Variants in SAXO2 observed in about 807,000 individuals in gnomAD.
SAXO2 encodes the protein stabilizer of axonemal microtubules 2, also known as family with sequence similarity 154, member B.
Under a neutral mutation model 18.7 loss-of-function variants are expected in SAXO2, and 17 were observed. The ratio of observed to expected loss-of-function variants is 0.91; its 90% confidence interval spans 0.62 to 1.36. The LOEUF (loss-of-function observed/expected upper bound fraction) is 1.36, where lower values mean the gene tolerates loss of function less well. SAXO2 is among the 40% of genes most tolerant of loss of function. The probability of loss-of-function intolerance (pLI) is 0.00; values close to 1 mark genes in which losing one functional copy is unlikely to be tolerated. For synonymous variants in SAXO2, 163 were observed against 181.2 expected (o/e 0.90, Z 0.81); for missense variants, 486 against 562.6 (o/e 0.86, Z 1.38).
chr15:82,277,106 CATA>C (rs2075321796), intron 3 of SAXO2, among the ~76,000 whole-genome samples: 1 of 151,996 alleles, frequency 6.6e-6, no homozygotes. Context: ...AGAAAAATCT[CATA>C]ATAAGTCAAA....
intron 3 of SAXO2, among the ~76,000 whole-genome samples, chr15:82,280,473 A>T (rs2075353265): frequency 6.6e-6 from 1 of 152,048 alleles, no homozygotes; most frequent in Non-Finnish European, 1.5e-5. Flanking sequence ...CAAAGAAGAG[A>T]GATTCCCTCA....
At position 82,282,462 on chromosome 15, in the gene SAXO2, C is replaced by T; in HGVS notation, c.777C>T (p.Cys259=). Residue 259 remains cysteine (C), a synonymous_variant, in exon 4 of 4, where the codon TGC becomes TGT. Transcript: ENST00000682753. ...TCATTGGTGAAACTGCAAAACTCTG[C>T]AGACCTGTACACACCAGAGTGACCC... ...QGLIGETAKL[C]RPVHTRVTQN... 1 of 1,614,090 alleles carries T rather than the reference C, an allele frequency of 6.2e-7. No individual in the cohort carries two copies. The highest frequency in any genetic ancestry group is 8.5e-7 in the Non-Finnish European group (1 of 1,179,952).
chr15:82,283,053 G>C lies in SAXO2; in HGVS notation c.1368G>C (p.Lys456Asn). ...TCCGCAAGATTATTCCTGCAGTGAAGGCCTTCTAATAACCAAAATGTGCTT... is the reference window on the plus strand; with the variant it reads ...TCCGCAAGATTATTCCTGCAGTGAACGCCTTCTAATAACCAAAATGTGCTT... The part of the protein sequence containing the change: ...KFFRKIIPAV[K>N]AF Residue 456 changes from lysine (K) to asparagine (N), a missense_variant, in exon 4 of 4, where the codon AAG becomes AAC. Lys to Asn is a moderately conservative substitution (Grantham distance 94). Coordinates refer to ENST00000682753, the MANE Select transcript of SAXO2 (RefSeq NM_001348699.2). 2 of 1,604,638 alleles carry C rather than the reference G, an allele frequency of 1.2e-6. No homozygotes were observed. The highest frequency in any genetic ancestry group is 1.7e-6 in the Non-Finnish European group (2 of 1,176,096).
chr15:82,270,815 A>G (rs985554643), intron 2 of SAXO2, among the ~76,000 whole-genome samples: 1 of 152,224 alleles, frequency 6.6e-6, no homozygotes, highest in Non-Finnish European at 1.5e-5. Flanking sequence ...TTTTATATAT[A>G]AAGAAACTGG....
intron 2 of SAXO2, among the ~76,000 whole-genome samples, chr15:82,268,725 T>C (rs776896279): frequency 6.6e-6 from 1 of 152,240 alleles, no homozygotes; most frequent in Non-Finnish European, 1.5e-5. Context: ...GTAGCTCACT[T>C]AGATGACTGC....
chr15:82,278,165 G>C (rs2075331859), intron 3 of SAXO2, among the ~76,000 whole-genome samples: 1 of 152,176 alleles, frequency 6.6e-6, no homozygotes, highest in Non-Finnish European at 1.5e-5. Context: ...GGAAAAACAA[G>C]AAGAAGAAGC....
chr15:82,283,049 T>A lies in SAXO2; in HGVS notation c.1364T>A (p.Val455Glu). 6.2e-7 allele frequency: 1 copy of A among 1,607,912 alleles called. No homozygotes were observed. The highest frequency in any genetic ancestry group is 8.5e-7 in the Non-Finnish European group (1 of 1,177,412). The change falls in exon 4 of 4, where the codon GTG (valine) becomes GAG (glutamate). Residue 455 changes from valine (V) to glutamate (E), a missense_variant. Transcript: ENST00000682753. Reference protein sequence around the residue: ...HKFFRKIIPAVKAF With the variant: ...HKFFRKIIPAEKAF ...TTCTTCCGCAAGATTATTCCTGCAGTGAAGGCCTTCTAATAACCAAAATGT... is the reference window on the plus strand; with the variant it reads ...TTCTTCCGCAAGATTATTCCTGCAGAGAAGGCCTTCTAATAACCAAAATGT...
At chr15:82,263,104 C>T (rs1168529264) in intron 1 of SAXO2, 172 bp downstream of exon 1, 11 of 1,489,602 alleles carry the variant, frequency 7.4e-6, no homozygotes, top group African/African-American at 1.4e-5. Flanking sequence ...GCTCCTCACC[C>T]GCCTGCTACC....
intron 3 of SAXO2, among the ~76,000 whole-genome samples, chr15:82,280,546 A>G (rs1220902969): frequency 6.6e-6 from 1 of 152,186 alleles, no homozygotes; most frequent in African/African-American, 2.4e-5. Context: ...ATGGAAAGCT[A>G]TCAGGTGCCC....
rs145652386 is a variant in SAXO2, at chr15:82,282,121, G to A, written c.436G>A (p.Asp146Asn). Residue 146 changes from aspartate to asparagine, a missense_variant and splice_region_variant, in exon 4 of 4, where the codon GAT becomes AAT. Transcript: ENST00000682753. ...TTTGCTTTGTTTTAATTTTCAAGAC[G>A]ATTATAGAGCTTGGGACCTTCATAA... ...KLDTVPTYKD[D>N]YRAWDLHKSE... The A allele has an allele frequency of 1.0e-5, 16 of 1,585,108 alleles. No homozygotes were observed. Among genetic ancestry groups the A allele is most frequent in the African/African-American group, 5.5e-5 (4 of 73,010 alleles).
At chr15:82,265,540 G>T in intron 1 of SAXO2, 29 bp from the exon 2 acceptor site, 2 of 1,298,216 alleles carry the variant, frequency 1.5e-6, no homozygotes, top group Non-Finnish European at 2.0e-6. Context: ...TTTTTTTAAG[G>T]TTAATCTTTC....
At chr15:82,273,865 G>A (rs1293290452) in intron 3 of SAXO2, among the ~76,000 whole-genome samples, 1 of 151,914 alleles carries the variant, frequency 6.6e-6, no homozygotes, top group Non-Finnish European at 1.5e-5. Context: ...AGCCTCCTGA[G>A]TAGCTAGGAT....
chr15:82,263,424 C>G, intron 1 of SAXO2: 1 of 708,454 alleles, frequency 1.4e-6, no homozygotes, highest in Non-Finnish European at 2.6e-6. Flanking sequence ...TGGGATCCGC[C>G]TGACTGAAAA....
rs1291540627 is a variant in SAXO2 at position 82,284,109 on chromosome 15, A to G, written c.*1047A>G. 1.3e-5 allele frequency: 2 copies of G among 152,232 alleles called. No individual in the cohort carries two copies. Among genetic ancestry groups the G allele is most frequent in the Non-Finnish European group, 2.9e-5 (2 of 68,044 alleles). 9.4% of individuals were successfully genotyped at this position (152,232 alleles called of 1,614,324 possible). ...TGTTTTGAGCATCAGACTGTATGGT[A>G]CATTTTAATCCTTAAAGTACAAATG... On this transcript the variant is annotated 3_prime_UTR_variant, in exon 4 of 4. Transcript: ENST00000682753.
At chr15:82,275,188 C>A (rs2075303495) in intron 3 of SAXO2, among the ~76,000 whole-genome samples, 1 of 140,414 alleles carries the variant, frequency 7.1e-6, no homozygotes, top group Admixed American at 7.5e-5. Flanking sequence ...TTCGGAAACA[C>A]AAATTCCCAA....
intron 2 of SAXO2, among the ~76,000 whole-genome samples, chr15:82,271,258 G>T (rs779389931): frequency 6.6e-6 from 1 of 152,130 alleles, no homozygotes; most frequent in South Asian, 2.1e-4. Context: ...AACTTTTCAG[G>T]TTTAGTAAAT....
chr15:82,265,335 G>C (rs944636229), intron 1 of SAXO2, among the ~76,000 whole-genome samples: 1 of 152,070 alleles, frequency 6.6e-6, no homozygotes, highest in Non-Finnish European at 1.5e-5. Flanking sequence ...GTAGAGACGG[G>C]GTTTCACCGT....
At chr15:82,272,355 TTAGA>T (rs1207382803) in intron 3 of SAXO2, among the ~76,000 whole-genome samples, 2 of 152,214 alleles carry the variant, frequency 1.3e-5, no homozygotes, top group African/African-American at 4.8e-5. Flanking sequence ...AACCTCAGAA[TTAGA>T]TAGGCTTATC....
chr15:82,279,791 G>A (rs2075347417), intron 3 of SAXO2, among the ~76,000 whole-genome samples: 1 of 152,196 alleles, frequency 6.6e-6, no homozygotes, highest in Admixed American at 6.5e-5. Context: ...CAAGACTTTT[G>A]TCCTCAAAGA....
Sources: gnomAD v4.1 joint callset for allele counts (sites outside exome capture counted in the v4.1 genomes callset) on GRCh38, gnomAD v4.1.1 for gene constraint, MANE v1.5 for transcripts, NCBI Gene and HGNC (gene_info 2026-07-23, HGNC 2026-07-21) for gene names.